STS: variants seen among roughly 807,000 people sequenced by gnomAD.
STS encodes the protein steryl-sulfatase.
In STS, 7 loss-of-function variants were observed where a neutral mutation model predicts 26.8. That is an observed-to-expected ratio of 0.26 (90% confidence interval 0.15 to 0.49). STS has a LOEUF of 0.49. Among genes scored for constraint, STS ranks in the 20% least tolerant of loss-of-function variants. The pLI, the probability that STS is intolerant of heterozygous loss-of-function variation, is 0.98. For synonymous variants in STS, 199 were observed against 189.4 expected (o/e 1.05, Z -0.42); for missense variants, 434 against 465.6 (o/e 0.93, Z 0.63).
intron 10 of STS, among the ~76,000 whole-genome samples, chrX:7,341,509 A>G (rs1254876337): frequency 9.0e-6 from 1 of 111,407 alleles, no homozygotes; most frequent in East Asian, 2.9e-4. Context: ...CCCATTTTTG[A>G]CACCAAGCAA....
chrX:7,304,041 T>A (rs1926101234), intron 7 of STS, among the ~76,000 whole-genome samples: 2 of 110,105 alleles, frequency 1.8e-5, no homozygotes, highest in African/African-American at 6.7e-5. Context: ...TCAGGATATA[T>A]CTCTACAAGA....
intron 8 of STS, among the ~76,000 whole-genome samples, chrX:7,321,286 A>T (rs1377486075): frequency 8.1e-5 from 9 of 111,518 alleles, no homozygotes; most frequent in African/African-American, 2.6e-4. Context: ...GTGGAGGGAA[A>T]GAGGAGGAGG....
At chrX:7,244,690 G>T (rs1601681386) in intron 2 of STS, among the ~76,000 whole-genome samples, 1 of 111,190 alleles carries the variant, frequency 9.0e-6, no homozygotes, top group Non-Finnish European at 1.9e-5. Flanking sequence ...CATCCTGTCG[G>T]GGTTTAGTGG....
At chrX:7,305,371 C>T (rs1437534926) in intron 8 of STS, among the ~76,000 whole-genome samples, 188 bp downstream of exon 8, 1 of 112,146 alleles carries the variant, frequency 8.9e-6, no homozygotes, top group Non-Finnish European at 1.9e-5. Context: ...TTTAAAAGCC[C>T]ACATCTTGTG....
chrX:7,281,804 C>A (rs749194897), intron 7 of STS, among the ~76,000 whole-genome samples: 1 of 112,277 alleles, frequency 8.9e-6, no homozygotes, highest in Non-Finnish European at 1.9e-5. Flanking sequence ...TTAAAATAGA[C>A]TCTTTTAGGA....
intron 5 of STS, 47 bp downstream of exon 5, chrX:7,257,635 G>A: frequency 8.3e-7 from 1 of 1,205,209 alleles, no homozygotes; most frequent in Non-Finnish European, 1.1e-6. Context: ...ATGGGAATGG[G>A]AGGGAGGACT....
intron 3 of STS, among the ~76,000 whole-genome samples, chrX:7,255,877 T>C (rs937460577): frequency 1.8e-5 from 2 of 112,398 alleles, no homozygotes; most frequent in Admixed American, 9.4e-5. Flanking sequence ...CTATGCATCA[T>C]TGCAGCACTA....
chrX:7,282,540 C>T (rs1381728655), intron 7 of STS, among the ~76,000 whole-genome samples: 5 of 112,074 alleles, frequency 4.5e-5, no homozygotes, highest in African/African-American at 1.6e-4. Flanking sequence ...GTAGGACTCT[C>T]ATTTCGTATT....
chrX:7,152,809 CA>C (rs1324015364), intron 1 of STS, among the ~76,000 whole-genome samples: 7 of 112,092 alleles, frequency 6.2e-5, no homozygotes, highest in African/African-American at 1.3e-4. Context: ...AATCAACTGT[CA>C]AAAAATGGAC....
intron 2 of STS, among the ~76,000 whole-genome samples, chrX:7,215,021 T>C (rs957908369): frequency 1.4e-5 from 1 of 72,889 alleles, no homozygotes; most frequent in Non-Finnish European, 2.7e-5. Flanking sequence ...TATATATATA[T>C]ATTATATATG....
At chrX:7,185,139 TA>T (rs1398952431) in intron 1 of STS, among the ~76,000 whole-genome samples, 1 of 111,855 alleles carries the variant, frequency 8.9e-6, no homozygotes, top group Non-Finnish European at 1.9e-5. Flanking sequence ...AATGACCCTT[TA>T]AAAGACTTCT....
chrX:7,324,225 CAGTT>C (rs1469854247), intron 8 of STS, among the ~76,000 whole-genome samples: 2 of 110,535 alleles, frequency 1.8e-5, no homozygotes, highest in Non-Finnish European at 3.8e-5. Context: ...TTCTGATTGG[CAGTT>C]GGTTGAAAGA....
At chrX:7,284,368 A>G (rs191011650) in intron 7 of STS, among the ~76,000 whole-genome samples, 50 of 111,817 alleles carry the variant, frequency 4.5e-4, no homozygotes, top group African/African-American at 1.5e-3. Context: ...TGTTAGCTCA[A>G]TGGCATTAAG....
chrX:7,325,323 T>C lies in STS; in HGVS notation c.1082-16T>C. The C allele has an allele frequency of 8.3e-7, 1 of 1,209,721 alleles. No individual in the cohort carries two copies. Among genetic ancestry groups the C allele is most frequent in the Non-Finnish European group, 1.1e-6 (1 of 894,041 alleles). On this transcript the variant is annotated splice_polypyrimidine_tract_variant and intron_variant, in intron 8 of 10. Transcript: ENST00000674429. Reference sequence around the variant, plus strand: ...AAATCTCCCTGTTGCCTCTTACCTCTTTTTTGATCTTTTAGGAGGAAAAGC... The same window carrying C: ...AAATCTCCCTGTTGCCTCTTACCTCCTTTTTGATCTTTTAGGAGGAAAAGC...
At chrX:7,195,667 CT>C (rs1435112291) in intron 2 of STS, among the ~76,000 whole-genome samples, 8 of 112,477 alleles carry the variant, frequency 7.1e-5, no homozygotes, top group Non-Finnish European at 1.3e-4. Flanking sequence ...GAATGTTTGA[CT>C]TTATGTTCAG....
Position 7,325,409 on chromosome X carries a change from G to A in STS, c.1152G>A (p.Gln384=). Reference sequence around the variant, plus strand: ...TCCTTCGTTGGCCCAGGGTGATACAGGCTGGCCAGAAGATTGATGAGCCCA... The same window carrying A: ...TCCTTCGTTGGCCCAGGGTGATACAAGCTGGCCAGAAGATTGATGAGCCCA... ...PGILRWPRVI[Q]AGQKIDEPTS... is the part of the protein sequence containing the mutation. Residue 384 remains glutamine (Q), a synonymous_variant, in exon 9 of 11, where the codon CAG becomes CAA. Transcript: ENST00000674429. 1 of 1,211,425 alleles carries A rather than the reference G, an allele frequency of 8.3e-7. No individual in the cohort carries two copies. The highest frequency in any genetic ancestry group is 1.1e-6 in the Non-Finnish European group (1 of 895,245).
At chrX:7,169,075 G>T (rs964528401) in intron 1 of STS, among the ~76,000 whole-genome samples, 6 of 110,625 alleles carry the variant, frequency 5.4e-5, no homozygotes, top group Non-Finnish European at 9.5e-5. Context: ...CATCTGTCTG[G>T]TTCTACAACA....
intron 3 of STS, among the ~76,000 whole-genome samples, chrX:7,253,991 A>G (rs1178756043): frequency 8.9e-6 from 1 of 112,358 alleles, no homozygotes; most frequent in Non-Finnish European, 1.9e-5. Context: ...GTGTCTTCAC[A>G]TGGTGGAAGG....
At chrX:7,284,295 G>A (rs140380295) in intron 7 of STS, among the ~76,000 whole-genome samples, 2,701 of 111,683 alleles carry the variant, frequency 0.024, 49 homozygotes, top group African/African-American at 0.053. Context: ...GTTTCAGGGA[G>A]TCAGGGAGGT....
Sources: allele counts gnomAD v4.1 joint callset (sites outside exome capture counted in the v4.1 genomes callset), GRCh38; gene constraint gnomAD v4.1.1; transcripts MANE v1.5; gene names NCBI Gene and HGNC (gene_info 2026-07-23, HGNC 2026-07-21).